Variants in SIPA1L3 observed in about 807,000 individuals in gnomAD.
SIPA1L3 encodes signal induced proliferation associated 1 like 3, also known as signal-induced proliferation-associated 1-like protein 3.
A neutral mutation model predicts 150.1 loss-of-function variants in SIPA1L3; 59 were observed. The observed-to-expected ratio is 0.39, with a 90% CI of 0.32 to 0.49. SIPA1L3 has a LOEUF of 0.49. SIPA1L3 is among the 20% of genes least tolerant of loss of function. SIPA1L3 has a pLI of 0.86. For synonymous variants in SIPA1L3, 1,070 were observed against 1,077.6 expected (o/e 0.99, Z 0.14); for missense variants, 2,211 against 2,489.5 (o/e 0.89, Z 2.38).
At position 38,092,946 on chromosome 19, in the gene SIPA1L3, G is replaced by A. The variant is rs575798949; in HGVS notation, c.1665+4095G>A. On this transcript the variant is annotated intron_variant, in intron 4 of 21. Coordinates refer to ENST00000222345, the MANE Select transcript of SIPA1L3 (RefSeq NM_015073.3). Reference sequence around the variant, plus strand: ...GTGATCTCTGCTCACCACAAGCTCCGCCTCCCAGGTTCACGCCATTCTCCT... The same window carrying A: ...GTGATCTCTGCTCACCACAAGCTCCACCTCCCAGGTTCACGCCATTCTCCT... 4.9e-5 allele frequency among the ~76,000 whole-genome samples: 7 copies of A among 143,784 alleles called. No individual in the cohort carries two copies. The East Asian group carries it at 1.3e-3, about 26-fold the overall frequency. 94.3% of individuals were successfully genotyped at this position (143,784 alleles called of 152,430 possible). A position where few individuals can be genotyped will look rare whatever the true frequency, so the allele number is the denominator to read the frequency against.
intron 3 of SIPA1L3, among the ~76,000 whole-genome samples, chr19:38,088,347 C>T (rs960213493): frequency 6.6e-6 from 1 of 152,254 alleles, no homozygotes; most frequent in African/African-American, 2.4e-5. Context: ...CATTTGCAAA[C>T]ACGGGATTAA....
intron 2 of SIPA1L3, among the ~76,000 whole-genome samples, chr19:38,035,413 T>C (rs530016239): frequency 5.3e-5 from 8 of 152,198 alleles, no homozygotes; most frequent in African/African-American, 1.9e-4. Flanking sequence ...AGAGTTCTAA[T>C]AGGGGAAGCC....
At chr19:37,933,866 G>A (rs569954359) in intron 1 of SIPA1L3, among the ~76,000 whole-genome samples, 1 of 152,176 alleles carries the variant, frequency 6.6e-6, no homozygotes, top group South Asian at 2.1e-4. Context: ...GAGGATGTCA[G>A]GTTCATTTAG....
At chr19:37,985,814 G>A (rs1967335218) in intron 1 of SIPA1L3, among the ~76,000 whole-genome samples, 1 of 152,152 alleles carries the variant, frequency 6.6e-6, no homozygotes, top group African/African-American at 2.4e-5. Flanking sequence ...GCCCCTCCCT[G>A]GCTCCTCCCA....
At chr19:38,017,418 C>A (rs1437064474) in intron 1 of SIPA1L3, among the ~76,000 whole-genome samples, 1 of 152,202 alleles carries the variant, frequency 6.6e-6, no homozygotes, top group Non-Finnish European at 1.5e-5. Flanking sequence ...AGTCCACCAG[C>A]AAGGCCTGTT....
chr19:37,945,248 T>C (rs1187687264), intron 1 of SIPA1L3, among the ~76,000 whole-genome samples: 3 of 152,048 alleles, frequency 2.0e-5, no homozygotes, highest in Admixed American at 6.6e-5. Context: ...TTGTTTTTTT[T>C]TTTGAGACAG....
At chr19:38,189,892 C>G (rs927311527) in intron 16 of SIPA1L3, among the ~76,000 whole-genome samples, 1 of 152,192 alleles carries the variant, frequency 6.6e-6, no homozygotes, top group African/African-American at 2.4e-5. Context: ...GCTATACATG[C>G]TGCTTTTTTC....
chr19:38,031,935 G>A (rs1476530623), intron 2 of SIPA1L3, among the ~76,000 whole-genome samples: 1 of 152,180 alleles, frequency 6.6e-6, no homozygotes, highest in Admixed American at 6.5e-5. Context: ...GGGTGACAGA[G>A]CAAGAGCCTG....
chr19:37,963,043 G>C (rs1010889726), intron 1 of SIPA1L3, among the ~76,000 whole-genome samples: 4 of 152,264 alleles, frequency 2.6e-5, no homozygotes, highest in African/African-American at 9.6e-5. Context: ...TGGTTTAGTG[G>C]TCAGATTAAA....
At chr19:38,155,287 G>A (rs1379453741) in intron 13 of SIPA1L3, among the ~76,000 whole-genome samples, 1 of 151,786 alleles carries the variant, frequency 6.6e-6, no homozygotes, top group South Asian at 2.1e-4. Flanking sequence ...TGTTGCCCAG[G>A]CTGGTCTCAA....
chr19:38,016,886 C>CTTTTTTTTTTTTTTTTTTTT (rs58459050), intron 1 of SIPA1L3, among the ~76,000 whole-genome samples: 1 of 69,138 alleles, frequency 1.4e-5, no homozygotes, highest in African/African-American at 6.6e-5. Flanking sequence ...CCTCCTCTGG[C>CTTTTTTTTTTTTTTTTTTTT]TTTTTTTTTT....
intron 1 of SIPA1L3, among the ~76,000 whole-genome samples, chr19:37,945,392 C>T (rs2046701205): frequency 6.6e-6 from 1 of 152,104 alleles, no homozygotes; most frequent in Non-Finnish European, 1.5e-5. Flanking sequence ...TACCACCACA[C>T]CTGGCTGATA....
chr19:38,107,919 G>T (rs1206596506), intron 7 of SIPA1L3, among the ~76,000 whole-genome samples: 3 of 152,132 alleles, frequency 2.0e-5, no homozygotes, highest in Admixed American at 6.6e-5. Flanking sequence ...AGTGGTTGCA[G>T]TGAGCTGAGA....
chr19:38,078,645 C>T (rs996050074), intron 2 of SIPA1L3, among the ~76,000 whole-genome samples: 2 of 152,056 alleles, frequency 1.3e-5, no homozygotes, highest in Non-Finnish European at 2.9e-5. Flanking sequence ...CTTTCTCACA[C>T]AGGAAGCTCC....
chr19:38,050,035 T>C (rs1461857024), intron 2 of SIPA1L3, among the ~76,000 whole-genome samples: 4 of 152,176 alleles, frequency 2.6e-5, no homozygotes, highest in African/African-American at 9.7e-5. Context: ...GACCCTGCCA[T>C]GTAACCCAGC....
chr19:38,026,651 C>T (rs965489686), intron 1 of SIPA1L3, among the ~76,000 whole-genome samples: 3 of 152,284 alleles, frequency 2.0e-5, no homozygotes, highest in Middle Eastern at 6.8e-3. Flanking sequence ...TTGTTCTTTT[C>T]CCTTGGAAGC....
intron 1 of SIPA1L3, among the ~76,000 whole-genome samples, chr19:38,008,788 G>C (rs549474427): frequency 6.6e-6 from 1 of 152,034 alleles, no homozygotes; most frequent in South Asian, 2.1e-4. Flanking sequence ...TCGAACTCCT[G>C]GCCTCAAGCA....
chr19:38,123,531 A>T (rs1600101865), intron 9 of SIPA1L3, among the ~76,000 whole-genome samples: 2 of 136,356 alleles, frequency 1.5e-5, no homozygotes, highest in African/African-American at 5.8e-5. Context: ...CCCTTAATCC[A>T]TTAACCCTGA....
chr19:38,003,151 T>TA (rs1568497258), intron 1 of SIPA1L3, among the ~76,000 whole-genome samples: 1 of 151,608 alleles, frequency 6.6e-6, no homozygotes, highest in East Asian at 1.9e-4. Context: ...AAAGATAAAA[T>TA]AAAAATAAGA....
Sources: gnomAD v4.1 joint callset for allele counts (sites outside exome capture counted in the v4.1 genomes callset) on GRCh38, gnomAD v4.1.1 for gene constraint, MANE v1.5 for transcripts, NCBI Gene and HGNC (gene_info 2026-07-23, HGNC 2026-07-21) for gene names.